Variants in CLDN14 observed in about 807,000 individuals in gnomAD.
The protein encoded by CLDN14 is claudin-14.
Under a neutral mutation model 2.1 loss-of-function variants are expected in CLDN14, and 2 were observed. The observed-to-expected ratio is 0.96, with a 90% CI of 0.39 to 3.01. The LOEUF (loss-of-function observed/expected upper bound fraction) is 3.01, where lower values mean the gene tolerates loss of function less well. CLDN14 is among the 30% of genes most tolerant of loss of function. The pLI is 0.09. For missense variants in CLDN14, 298 were observed against 328.0 expected (o/e 0.91, Z 0.71); for synonymous variants, 136 against 154.4 (o/e 0.88, Z 0.88).
intron 1 of CLDN14, among the ~76,000 whole-genome samples, chr21:36,563,246 A>G (rs2087649734): frequency 6.6e-6 from 1 of 152,202 alleles, no homozygotes; most frequent in Non-Finnish European, 1.5e-5. Flanking sequence ...GTTGCAGGTA[A>G]TATGGGAAAA....
intron 1 of CLDN14, among the ~76,000 whole-genome samples, chr21:36,512,630 G>A (rs1444865988): frequency 6.6e-6 from 1 of 152,204 alleles, no homozygotes; most frequent in Non-Finnish European, 1.5e-5. Context: ...AGCAGAACAA[G>A]ACACCATCTA....
intron 2 of CLDN14, among the ~76,000 whole-genome samples, chr21:36,504,511 C>T (rs909321790): frequency 6.6e-6 from 1 of 152,110 alleles, no homozygotes; most frequent in African/African-American, 2.4e-5. Context: ...AATTCACCCC[C>T]TTTAAAGACA....
chr21:36,546,020 G>GAT (rs1291499489), intron 1 of CLDN14, among the ~76,000 whole-genome samples: 1 of 152,200 alleles, frequency 6.6e-6, no homozygotes, highest in East Asian at 1.9e-4. Flanking sequence ...TGCCTTTCAG[G>GAT]AAACAGAGAC....
rs964029098 is a variant in CLDN14, at chr21:36,539,361, G to A, written c.-219-28861C>T. ...TGGAGTGAGTGTGTGTGGAGTGAGT[G>A]TATGTGCGGAGTGAGTGTGTGTGGA... On this transcript the variant is annotated intron_variant, in intron 1 of 2. Coordinates refer to the CLDN14 transcript ENST00000342108. Among the ~76,000 whole-genome samples the A allele has an allele frequency of 1.4e-3, 211 of 149,952 alleles. 2 individuals carry two copies. Among genetic ancestry groups the A allele is most frequent in the African/African-American group, 4.7e-3 (190 of 40,656 alleles).
At chr21:36,540,019 G>A (rs1293131797) in intron 1 of CLDN14, among the ~76,000 whole-genome samples, 1 of 149,502 alleles carries the variant, frequency 6.7e-6, no homozygotes, top group East Asian at 2.0e-4. Flanking sequence ...TATGTGTGTG[G>A]TATGTGTATG....
At chr21:36,462,811 G>A (rs767708369) in intron 1 of CLDN14, among the ~76,000 whole-genome samples, 1 of 151,952 alleles carries the variant, frequency 6.6e-6, no homozygotes, top group Non-Finnish European at 1.5e-5. Flanking sequence ...CCAGCTACTC[G>A]GGAGGCTGAG....
chr21:36,487,351 A>C, intron 2 of CLDN14: 1 of 202,544 alleles, frequency 4.9e-6, no homozygotes, highest in Non-Finnish European at 1.1e-5. Flanking sequence ...GTGGGGAAGA[A>C]GTCCTCATTC....
intron 1 of CLDN14, among the ~76,000 whole-genome samples, chr21:36,556,421 C>CT (rs1450276131): frequency 2.0e-5 from 3 of 152,142 alleles, no homozygotes; most frequent in South Asian, 2.1e-4. Context: ...CACCAAAGCC[C>CT]TTTTTTGGGA....
In CLDN14 at chr21:36,498,830, C is replaced by T. The variant is rs569039231; in HGVS notation, c.-82+11533G>A. On this transcript the variant is annotated intron_variant, in intron 2 of 2. Transcript: ENST00000342108. This position sits in a 1 kb window ranked among gnomAD's most constrained non-coding sequence, Gnocchi z 4.9. ...ACCATCAGCCCTGCACGAAGGTGGC[C>T]GCTGAGGGGCCCTCATGGGGGCTGA... Among the ~76,000 whole-genome samples the T allele has an allele frequency of 7.2e-5, 11 of 152,212 alleles. No individual in the cohort carries two copies. The South Asian group carries it at 8.3e-4, about 12-fold the overall frequency.
At chr21:36,476,280 CTTTA>C (rs2086778557) in intron 1 of CLDN14, among the ~76,000 whole-genome samples, 1 of 152,072 alleles carries the variant, frequency 6.6e-6, no homozygotes, top group African/African-American at 2.4e-5. Flanking sequence ...GGGGGTGGTT[CTTTA>C]TTTATCTTGC....
Position 36,461,705 on chromosome 21 carries a change from G to GCCTGCCTAGGCCAGCCGGGCAGCTC in CLDN14, c.-35_-11dup. 6.5e-7 allele frequency: 1 copy of GCCTGCCTAGGCCAGCCGGGCAGCTC among 1,548,178 alleles called. No individual in the cohort carries two copies. Among genetic ancestry groups the GCCTGCCTAGGCCAGCCGGGCAGCTC allele is most frequent in the Non-Finnish European group, 8.7e-7 (1 of 1,146,822 alleles). On this transcript the variant is annotated 5_prime_UTR_variant, in exon 2 of 2. Transcript: ENST00000399135. Reference sequence around the variant, plus strand: ...CGGCCGTGCTGGCCATGGTGCGGCTGCCTGCCTAGGCCAGCCGGGCAGCTC... The same window carrying GCCTGCCTAGGCCAGCCGGGCAGCTC: ...CGGCCGTGCTGGCCATGGTGCGGCTGCCTGCCTAGGCCAGCCGGGCAGCTCCCTGCCTAGGCCAGCCGGGCAGCTC...
chr21:36,487,676 CA>C (rs1195363914), intron 2 of CLDN14: 1 of 152,192 alleles, frequency 6.6e-6, no homozygotes, highest in East Asian at 1.9e-4. Context: ...TTGGTGCTGT[CA>C]GATCATAGTT....
chr21:36,540,708 A>T (rs1601630471), intron 1 of CLDN14, among the ~76,000 whole-genome samples: 1 of 152,134 alleles, frequency 6.6e-6, no homozygotes, highest in Admixed American at 6.5e-5. Context: ...GGTACCTAAG[A>T]GTGGTGAATT....
At chr21:36,488,224 T>C (rs1045602044) in intron 2 of CLDN14, among the ~76,000 whole-genome samples, 1 of 124,294 alleles carries the variant, frequency 8.0e-6, no homozygotes, top group Admixed American at 8.1e-5. Context: ...TGATTCCCCT[T>C]CCTTCCTTCC....
intron 1 of CLDN14, among the ~76,000 whole-genome samples, chr21:36,545,542 C>T (rs2087520684): frequency 6.6e-6 from 1 of 152,150 alleles, no homozygotes; most frequent in Non-Finnish European, 1.5e-5. Context: ...GCTCTTTGTG[C>T]CTATATTTCT....
intron 1 of CLDN14, among the ~76,000 whole-genome samples, chr21:36,528,942 G>A (rs1018052917): frequency 6.6e-6 from 1 of 152,198 alleles, no homozygotes; most frequent in African/African-American, 2.4e-5. Context: ...GCGGCTGACA[G>A]CATTCAGCAG....
rs1292331479 is a variant in CLDN14, at chr21:36,504,682, T to C, written c.-82+5681A>G. Among the ~76,000 whole-genome samples the C allele has an allele frequency of 3.3e-5, 5 of 152,276 alleles. 1 individual carries two copies. The highest frequency in any genetic ancestry group is 6.8e-3 in the Middle Eastern group (2 of 294). ...AACAATTGCTTCCCTTTTATCCACATCCCCAAATTTCACATTTTGCGTGTA... is the reference window on the plus strand; with the variant it reads ...AACAATTGCTTCCCTTTTATCCACACCCCCAAATTTCACATTTTGCGTGTA... On this transcript the variant is annotated intron_variant, in intron 2 of 2. Coordinates refer to the CLDN14 transcript ENST00000342108.
intron 1 of CLDN14, among the ~76,000 whole-genome samples, chr21:36,535,442 T>C (rs1205895909): frequency 6.6e-6 from 1 of 151,842 alleles, no homozygotes; most frequent in East Asian, 1.9e-4. Flanking sequence ...ATAAAAATGA[T>C]TTATAAAGAC....
intron 1 of CLDN14, among the ~76,000 whole-genome samples, chr21:36,514,797 T>C (rs971050320): frequency 6.6e-6 from 1 of 151,948 alleles, no homozygotes; most frequent in African/African-American, 2.4e-5. Context: ...TATAGGTGTT[T>C]CCTTCTCTTG....
Sources: gnomAD v4.1 joint callset for allele counts (sites outside exome capture counted in the v4.1 genomes callset) on GRCh38, gnomAD v4.1.1 for gene constraint, Gnocchi (gnomAD v3.1) non-coding constraint, MANE v1.5 for transcripts, NCBI Gene and HGNC (gene_info 2026-07-23, HGNC 2026-07-21) for gene names.